ZNF536: variants seen among roughly 807,000 people sequenced by gnomAD.
ZNF536 encodes the protein zinc finger protein 536.
In ZNF536, 13 loss-of-function variants were observed where a neutral mutation model predicts 84.5. The ratio of observed to expected loss-of-function variants is 0.15; its 90% CI spans 0.10 to 0.24. ZNF536 has a LOEUF of 0.24. Among genes scored for constraint, ZNF536 ranks in the 10% least tolerant of loss-of-function variants. The pLI is 1.00. For synonymous variants in ZNF536, 811 were observed against 742.5 expected (o/e 1.09, Z -1.50); for missense variants, 1,536 against 1,747.5 (o/e 0.88, Z 2.16).
intron 1 of ZNF536, among the ~76,000 whole-genome samples, chr19:30,693,678 A>G (rs1260924941): frequency 6.6e-6 from 1 of 152,094 alleles, no homozygotes; most frequent in East Asian, 1.9e-4. Flanking sequence ...ATGAGGGCTG[A>G]GCATTGAAAA....
intron 1 of ZNF536, among the ~76,000 whole-genome samples, chr19:30,635,105 A>ATGGGG: frequency 6.6e-6 from 1 of 152,052 alleles, no homozygotes; most frequent in East Asian, 1.9e-4. Flanking sequence ...CGCGTGCCCC[A>ATGGGG]CACGCGCATG....
At chr19:30,568,952 C>G (rs1032608674) in intron 1 of ZNF536, among the ~76,000 whole-genome samples, 1 of 152,166 alleles carries the variant, frequency 6.6e-6, no homozygotes, top group Admixed American at 6.5e-5. Context: ...CTCTCTGAGA[C>G]AATCCACCTA....
intron 2 of ZNF536, among the ~76,000 whole-genome samples, chr19:30,497,472 G>A (rs934873989): frequency 2.0e-5 from 3 of 152,158 alleles, no homozygotes; most frequent in African/African-American, 4.8e-5. Flanking sequence ...TTTGAGTTAA[G>A]CCCATGTTTT....
chr19:30,488,178 C>A (rs1599556006), intron 2 of ZNF536, among the ~76,000 whole-genome samples: 1 of 152,184 alleles, frequency 6.6e-6, no homozygotes, highest in East Asian at 1.9e-4. Context: ...TATCCCTAGA[C>A]CTTCCTGGTG....
intron 1 of ZNF536, among the ~76,000 whole-genome samples, chr19:30,379,641 GGGGT>G: frequency 6.6e-6 from 1 of 151,436 alleles, no homozygotes; most frequent in South Asian, 2.1e-4. Flanking sequence ...GAAGGGCTGG[GGGGT>G]GTAGTGGGTA....
At chr19:30,329,840 G>T (rs77807798) in intron 2 of ZNF536, among the ~76,000 whole-genome samples, 116 of 152,224 alleles carry the variant, frequency 7.6e-4, no homozygotes, top group African/African-American at 2.6e-3. Flanking sequence ...TACACTTGGT[G>T]GGGGGATACT....
rs146855547 is a variant in ZNF536 at position 30,273,271 on chromosome 19, G to A, written c.-189-10801G>A. 7.2e-5 allele frequency among the ~76,000 whole-genome samples: 11 copies of A among 152,264 alleles called. No individual in the cohort carries two copies. In the East Asian group the frequency reaches 2.1e-3, roughly 29 times the overall value. On this transcript the variant is annotated intron_variant, in intron 1 of 5. Transcript: ENST00000585628. ...CACTCATTTGTATAAATATCAAGGAGCATGATTGCTGGATTGCTTGATAAG... is the reference window on the plus strand; with the variant it reads ...CACTCATTTGTATAAATATCAAGGAACATGATTGCTGGATTGCTTGATAAG...
chr19:30,495,629 G>A (rs1387363826), intron 2 of ZNF536, among the ~76,000 whole-genome samples: 2 of 152,208 alleles, frequency 1.3e-5, no homozygotes, highest in Non-Finnish European at 2.9e-5. Context: ...GAAGGGATTT[G>A]TCCAAGGTTG....
intron 1 of ZNF536, among the ~76,000 whole-genome samples, chr19:30,617,333 C>CCTTTTTTTT (rs869192494): frequency 2.7e-5 from 1 of 37,710 alleles, no homozygotes; most frequent in Non-Finnish European, 5.9e-5. Context: ...GAATAGCTTA[C>CCTTTTTTTT]TTTTTTTTTT....
intron 1 of ZNF536, among the ~76,000 whole-genome samples, chr19:30,592,780 C>T (rs1313963535): frequency 1.3e-5 from 2 of 151,760 alleles, no homozygotes; most frequent in African/African-American, 4.8e-5. Flanking sequence ...GATAAATGAT[C>T]GGGTGATGGA....
At chr19:30,563,112 G>A (rs965156869) in intron 1 of ZNF536, among the ~76,000 whole-genome samples, 2 of 152,088 alleles carry the variant, frequency 1.3e-5, no homozygotes, top group East Asian at 3.9e-4. Flanking sequence ...GTAGGCTCCA[G>A]GCAGAGCTTC....
At chr19:30,514,418 T>TG (rs1224778571) in intron 2 of ZNF536, among the ~76,000 whole-genome samples, 1 of 152,062 alleles carries the variant, frequency 6.6e-6, no homozygotes, top group Non-Finnish European at 1.5e-5. Context: ...TGGTGGTGTC[T>TG]GGAAGCCAGA....
intron 2 of ZNF536, among the ~76,000 whole-genome samples, chr19:30,475,648 A>G (rs1159912869): frequency 1.3e-5 from 2 of 152,164 alleles, no homozygotes; most frequent in Non-Finnish European, 2.9e-5. Flanking sequence ...TGGGGTAGGC[A>G]TGAAGAAACG....
At chr19:30,437,081 C>T (rs1022262383) in intron 1 of ZNF536, among the ~76,000 whole-genome samples, 4 of 152,032 alleles carry the variant, frequency 2.6e-5, no homozygotes, top group Admixed American at 6.6e-5. Flanking sequence ...GATTCTTTTT[C>T]GTGGTATAAG....
At chr19:30,339,536 G>C (rs1294301184) in intron 2 of ZNF536, among the ~76,000 whole-genome samples, 1 of 152,120 alleles carries the variant, frequency 6.6e-6, no homozygotes, top group African/African-American at 2.4e-5. Context: ...GCACACACAG[G>C]GCTTGCCTAC....
intron 1 of ZNF536, among the ~76,000 whole-genome samples, chr19:30,650,165 GGCTGAA>G (rs1212016772): frequency 6.6e-6 from 1 of 152,212 alleles, no homozygotes; most frequent in Non-Finnish European, 1.5e-5. Flanking sequence ...TGTGCAGAAA[GGCTGAA>G]GCTATGCAGT....
intron 2 of ZNF536, among the ~76,000 whole-genome samples, chr19:30,474,313 T>TTC (rs66795970): frequency 0.1 from 15,432 of 149,824 alleles, 949 homozygotes; most frequent in South Asian, 0.19. Flanking sequence ...TAAACCCTCT[T>TTC]TCTCTCTCTC....
rs201343642 is a variant in ZNF536 at position 30,332,461 on chromosome 19, GTCC to G, written c.-119-19902_-119-19900del. On this transcript the variant is annotated intron_variant, in intron 2 of 5. Coordinates refer to the ZNF536 transcript ENST00000585628. The stretch of plus-strand genomic sequence containing the variant: ...CCAGGCATCCTCTCTGCCCATGCGT[GTCC>G]TCCTGCTCCTCCGTCAGAACTGCCC... Among the ~76,000 whole-genome samples, 1,004 of 152,168 alleles carry G rather than the reference GTCC, an allele frequency of 6.6e-3. 14 individuals are homozygous for G. Among genetic ancestry groups the G allele is most frequent in the African/African-American group, 0.023 (967 of 41,522 alleles).
At chr19:30,390,144 A>G (rs1227541485) in intron 1 of ZNF536, among the ~76,000 whole-genome samples, 1 of 152,138 alleles carries the variant, frequency 6.6e-6, no homozygotes, top group Non-Finnish European at 1.5e-5. Flanking sequence ...GCCTGAATCT[A>G]CTTCCTAGGG....
Sources: gnomAD v4.1 joint callset for allele counts (sites outside exome capture counted in the v4.1 genomes callset) on GRCh38, gnomAD v4.1.1 for gene constraint, MANE v1.5 for transcripts, NCBI Gene and HGNC (gene_info 2026-07-23, HGNC 2026-07-21) for gene names.